ATAD2B: variants seen among roughly 807,000 people sequenced by gnomAD.
ATAD2B encodes the protein ATPase family AAA domain containing 2B.
In ATAD2B, 40 loss-of-function variants were observed where a neutral mutation model predicts 167.6. The ratio of observed to expected loss-of-function variants is 0.24; its 90% CI spans 0.19 to 0.31. The LOEUF is 0.31. Among genes scored for constraint, ATAD2B ranks in the 10% least tolerant of loss-of-function variants. The pLI is 1.00. For synonymous variants in ATAD2B, 579 were observed against 596.5 expected, an observed-to-expected ratio of 0.97 and a Z score of 0.43; for missense variants, 1,242 against 1,757.2, an observed-to-expected ratio of 0.71 and a Z score of 5.24.
intron 17 of ATAD2B, among the ~76,000 whole-genome samples, chr2:23,818,646 T>G (rs184990456): frequency 8.7e-4 from 132 of 152,306 alleles, no homozygotes; most frequent in Middle Eastern, 3.4e-3. Context: ...TGGGAAAACT[T>G]CAAGTTGGAG....
chr2:23,878,036 A>AAAAAAAAAAAAAAAAAC (rs1697272645), intron 7 of ATAD2B, among the ~76,000 whole-genome samples: 1 of 146,924 alleles, frequency 6.8e-6, no homozygotes, highest in Non-Finnish European at 1.5e-5. Flanking sequence ...AAAAAAAAAA[A>AAAAAAAAAAAAAAAAAC]AAAGCAAAAT....
intron 1 of ATAD2B, among the ~76,000 whole-genome samples, chr2:23,898,776 G>C (rs1700430857): frequency 6.6e-6 from 1 of 152,206 alleles, no homozygotes; most frequent in African/African-American, 2.4e-5. Flanking sequence ...GTCAAGGCAG[G>C]ACGACTGCTT....
At chr2:23,780,905 CA>C (rs1558522241) in intron 22 of ATAD2B, among the ~76,000 whole-genome samples, 1 of 151,570 alleles carries the variant, frequency 6.6e-6, no homozygotes, top group East Asian at 1.9e-4. Context: ...CTGTCTCAAA[CA>C]AAAAACAAAA....
At chr2:23,782,745 G>A in intron 22 of ATAD2B, 124 bp downstream of exon 22, 1 of 683,780 alleles carries the variant, frequency 1.5e-6, no homozygotes. Flanking sequence ...TTCTTATTGA[G>A]AAGTTTTGAA....
At chr2:23,682,640 G>C in the ATAD2B span, among the ~76,000 whole-genome samples, 1 of 151,792 alleles carries the variant, frequency 6.6e-6, no homozygotes, top group Non-Finnish European at 1.5e-5. This position sits in a 1 kb window ranked among gnomAD's most constrained non-coding sequence, Gnocchi z 4.1. Flanking sequence ...TGGCCCTTTT[G>C]TCCACCTGCA....
intron 17 of ATAD2B, among the ~76,000 whole-genome samples, chr2:23,810,934 C>T (rs1452579645): frequency 6.6e-6 from 1 of 151,980 alleles, no homozygotes; most frequent in East Asian, 1.9e-4. Context: ...TCGCTTGAAC[C>T]CGGGAGGCGA....
intron 27 of ATAD2B, among the ~76,000 whole-genome samples, chr2:23,753,651 G>A (rs1410115776): frequency 1.3e-5 from 2 of 152,164 alleles, no homozygotes; most frequent in African/African-American, 4.8e-5. Flanking sequence ...AAGTATCTCA[G>A]CAAAAGGACA....
the ATAD2B span, among the ~76,000 whole-genome samples, chr2:23,728,432 T>C: frequency 1.1e-4 from 16 of 152,306 alleles, no homozygotes; most frequent in Admixed American, 6.5e-4. Flanking sequence ...ATCTAACTTG[T>C]TGGCATAGTT....
At chr2:23,808,068 A>AATTATATATATAATTAT (rs1684828137) in intron 18 of ATAD2B, among the ~76,000 whole-genome samples, 2 of 60,952 alleles carry the variant, frequency 3.3e-5, no homozygotes, top group Non-Finnish European at 5.7e-5. Context: ...TATAAATTAT[A>AATTATATATATAATTAT]ATATATAAGT....
At chr2:23,843,169 A>C (rs1691193706) in intron 13 of ATAD2B, among the ~76,000 whole-genome samples, 2 of 152,246 alleles carry the variant, frequency 1.3e-5, no homozygotes, top group South Asian at 4.1e-4. Context: ...AATGAAAAAC[A>C]ATCAAATGTA....
At chr2:23,698,867 T>C in the ATAD2B span, among the ~76,000 whole-genome samples, 1 of 152,112 alleles carries the variant, frequency 6.6e-6, no homozygotes, top group Non-Finnish European at 1.5e-5. Context: ...TCTCAGGAAA[T>C]TCGCATTTGG....
At chr2:23,872,344 T>C in intron 8 of ATAD2B, 1 of 607,762 alleles carries the variant, frequency 1.6e-6, no homozygotes, top group South Asian at 1.4e-5. Context: ...CTTCAAGTTC[T>C]TGTCAAATTC....
At chr2:23,817,710 A>G (rs530124969) in intron 17 of ATAD2B, among the ~76,000 whole-genome samples, 1 of 152,372 alleles carries the variant, frequency 6.6e-6, no homozygotes, top group Admixed American at 6.5e-5. Flanking sequence ...AAATAAGTGA[A>G]TAATTATTAT....
intron 20 of ATAD2B, 75 bp from the exon 21 acceptor site, chr2:23,786,298 G>C (rs1476637873): frequency 1.7e-6 from 2 of 1,162,254 alleles, no homozygotes; most frequent in African/African-American, 3.1e-5. Flanking sequence ...CTCTCAAAAT[G>C]TTCTTTAAAG....
At chr2:23,894,240 G>C (rs1214669484) in intron 2 of ATAD2B, among the ~76,000 whole-genome samples, 4 of 151,942 alleles carry the variant, frequency 2.6e-5, no homozygotes, top group Non-Finnish European at 4.4e-5. Context: ...CCAGCACTTT[G>C]GGAGGTCGAG....
chr2:23,836,190 T>G (rs923233142), intron 13 of ATAD2B, among the ~76,000 whole-genome samples: 19 of 152,186 alleles, frequency 1.2e-4, no homozygotes, highest in South Asian at 1.2e-3. Flanking sequence ...GTCCAGCCAC[T>G]GCACACAGTC....
chr2:23,907,503 T>G (rs111329523), intron 1 of ATAD2B, among the ~76,000 whole-genome samples: 4 of 152,180 alleles, frequency 2.6e-5, no homozygotes, highest in African/African-American at 9.7e-5. Flanking sequence ...TCCATGCTCA[T>G]GGGTAGGAAG....
the ATAD2B span, among the ~76,000 whole-genome samples, chr2:23,680,723 C>G: frequency 6.6e-6 from 1 of 151,844 alleles, no homozygotes; most frequent in East Asian, 1.9e-4. This position sits in a 1 kb window ranked among gnomAD's most constrained non-coding sequence, Gnocchi z 4.1. Context: ...CCTGGGGTCT[C>G]TAGGCCATCT....
chr2:23,876,679 T>C (rs541220724), intron 7 of ATAD2B, among the ~76,000 whole-genome samples: 1 of 152,226 alleles, frequency 6.6e-6, no homozygotes, highest in East Asian at 1.9e-4. Flanking sequence ...AAAATAAAAA[T>C]TTTGTGGCAA....
Sources: gnomAD v4.1 joint callset for allele counts (sites outside exome capture counted in the v4.1 genomes callset) on GRCh38, gnomAD v4.1.1 for gene constraint, Gnocchi (gnomAD v3.1) non-coding constraint, MANE v1.5 for transcripts, NCBI Gene and HGNC (gene_info 2026-07-23, HGNC 2026-07-21) for gene names.